Variants in ADAMTS14 observed in about 807,000 individuals in gnomAD.
ADAMTS14 encodes the protein ADAM metallopeptidase with thrombospondin type 1 motif 14.
In ADAMTS14, 100 loss-of-function variants were observed where a neutral mutation model predicts 128.6. That is an observed-to-expected ratio of 0.78 (90% CI 0.66 to 0.92). The LOEUF is 0.92. Ranked by LOEUF, ADAMTS14 falls within the 40% of genes least tolerant of loss-of-function variation. ADAMTS14 has a pLI of 0.00. For synonymous variants in ADAMTS14, 665 were observed against 653.8 expected, an observed-to-expected ratio of 1.02 and a Z score of -0.26; for missense variants, 1,562 against 1,658.6, an observed-to-expected ratio of 0.94 and a Z score of 1.01.
intron 21 of ADAMTS14, among the ~76,000 whole-genome samples, chr10:70,760,004 G>A (rs901805236): frequency 3.3e-5 from 5 of 152,220 alleles, no homozygotes; most frequent in African/African-American, 1.2e-4. Context: ...TCCCCTGGAG[G>A]GCTTGTGAAA....
At position 70,760,671 on chromosome 10, in the gene ADAMTS14, C is replaced by G. The variant is rs200926202; in HGVS notation, c.3490C>G (p.His1164Asp). 27 of 1,614,182 alleles carry G rather than the reference C, an allele frequency of 1.7e-5. No homozygotes were observed. Among genetic ancestry groups the G allele is most frequent in the Admixed American group, 3.3e-5 (2 of 60,026 alleles). ...GGATACAAGCTCCCCAGGGACCCAGCATCCCTTTGCCCCTGAGACACCAAT... is the reference window on the plus strand; with the variant it reads ...GGATACAAGCTCCCCAGGGACCCAGGATCCCTTTGCCCCTGAGACACCAAT... ...ALDTSSPGTQ[H>D]PFAPETPIPG... The change falls in exon 22 of 22, where the codon CAT becomes GAT. Residue 1164 changes from histidine to aspartate, a missense_variant. Physicochemically the swap from His to Asp is moderately conservative, Grantham distance 81. Coordinates refer to ENST00000373207, the MANE Select transcript of ADAMTS14 (RefSeq NM_080722.4).
rs1198800183 is a variant in ADAMTS14, at chr10:70,674,795, T to G, written c.322T>G (p.Phe108Val). The change falls in exon 2 of 22, where the codon TTC (phenylalanine) becomes GTC (valine). Residue 108 changes from phenylalanine (F) to valine (V), a missense_variant. Coordinates refer to ENST00000373207, the MANE Select transcript of ADAMTS14 (RefSeq NM_080722.4). The stretch of plus-strand genomic sequence containing the variant: ...CAGGGTGGGGCGCCACTCCCTCTAC[T>G]TCAATGTCACTGTTTTCGGGAAGGA... ...PGRVGRHSLYFNVTVFGKELH... is the reference protein window; with the variant it reads ...PGRVGRHSLYVNVTVFGKELH... 2 of 1,613,720 alleles carry G rather than the reference T, an allele frequency of 1.2e-6. No homozygotes were observed.
At chr10:70,680,223 G>A (rs1839762229) in intron 2 of ADAMTS14, among the ~76,000 whole-genome samples, 1 of 152,056 alleles carries the variant, frequency 6.6e-6, no homozygotes. Flanking sequence ...CCAACATGGA[G>A]AAACCCCGCC....
chr10:70,703,319 G>A lies in ADAMTS14; in HGVS notation c.679+851G>A, dbSNP rs112026220. Among the ~76,000 whole-genome samples the A allele has an allele frequency of 2.7e-3, 414 of 152,356 alleles. 3 individuals carry two copies. Among genetic ancestry groups the A allele is most frequent in the African/African-American group, 9.4e-3 (392 of 41,580 alleles). On this transcript the variant is annotated intron_variant, in intron 3 of 21. Transcript: ENST00000373207. ...TGTCACAAAGCTCCTTTGGCCAAGA[G>A]GAGATGAGGAGGCCATGGGTGAAAT...
chr10:70,677,469 C>T (rs560035328), intron 2 of ADAMTS14, among the ~76,000 whole-genome samples: 3 of 152,296 alleles, frequency 2.0e-5, no homozygotes, highest in African/African-American at 7.2e-5. Context: ...GTGGCATTTG[C>T]TGAAGCCGGA....
intron 9 of ADAMTS14, 36 bp downstream of exon 9, chr10:70,735,337 G>A (rs1444416929): frequency 1.2e-6 from 2 of 1,608,610 alleles, no homozygotes; most frequent in Non-Finnish European, 1.7e-6. Flanking sequence ...GGTGGTTGGG[G>A]GCCAGGGCAG....
At chr10:70,739,038 G>A in intron 11 of ADAMTS14, 48 bp downstream of exon 11, 2 of 1,558,998 alleles carry the variant, frequency 1.3e-6, no homozygotes, top group Non-Finnish European at 1.7e-6. Context: ...CCCTCCCCAG[G>A]GCGGAGGGGC....
chr10:70,680,988 C>A (rs1839783890), intron 2 of ADAMTS14, among the ~76,000 whole-genome samples: 2 of 152,200 alleles, frequency 1.3e-5, no homozygotes, highest in South Asian at 4.1e-4. Context: ...ATAAATATTA[C>A]AAATATCATC....
At chr10:70,684,834 CCCCGGG>C (rs1332599314) in intron 2 of ADAMTS14, among the ~76,000 whole-genome samples, 1 of 149,528 alleles carries the variant, frequency 6.7e-6, no homozygotes, top group Non-Finnish European at 1.5e-5. Context: ...TGAGCAGAGG[CCCCGGG>C]CCTGGGTCCT....
chr10:70,733,429 G>C (rs1376295552), intron 7 of ADAMTS14, among the ~76,000 whole-genome samples: 1 of 152,232 alleles, frequency 6.6e-6, no homozygotes, highest in East Asian at 1.9e-4. Flanking sequence ...CTCAAGAAAT[G>C]AGGTTGAGTT....
At position 70,727,458 on chromosome 10, in the gene ADAMTS14, G is replaced by A. The variant is rs184173058; in HGVS notation, c.871-1836G>A. ...AGAGCAAGACTATGCATGGAGCTCCGGCCCAGCTCCTAGGAAGCCATGTGG... is the reference window on the plus strand; with the variant it reads ...AGAGCAAGACTATGCATGGAGCTCCAGCCCAGCTCCTAGGAAGCCATGTGG... On this transcript the variant is annotated intron_variant, in intron 4 of 21. Coordinates refer to ENST00000373207, the MANE Select transcript of ADAMTS14 (RefSeq NM_080722.4). Among the ~76,000 whole-genome samples the A allele has an allele frequency of 7.9e-5, 12 of 152,298 alleles. No homozygotes were observed. The East Asian group carries it at 2.3e-3, about 29-fold the overall frequency.
intron 2 of ADAMTS14, among the ~76,000 whole-genome samples, chr10:70,685,103 G>A (rs1268816606): frequency 2.6e-5 from 4 of 152,220 alleles, no homozygotes; most frequent in East Asian, 1.9e-4. Flanking sequence ...GAGGGAGGGC[G>A]GCCTGAGGGC....
intron 2 of ADAMTS14, among the ~76,000 whole-genome samples, chr10:70,699,033 A>T (rs1304863856): frequency 5.3e-5 from 8 of 152,112 alleles, no homozygotes; most frequent in African/African-American, 1.9e-4. Flanking sequence ...TTTTGCCCAG[A>T]GGTGGAGAGT....
rs1037493501 is a variant in ADAMTS14 at position 70,752,107 on chromosome 10, C to T, written c.2609C>T (p.Thr870Ile). The T allele has an allele frequency of 6.2e-7, 1 of 1,613,176 alleles. No individual in the cohort carries two copies. Among genetic ancestry groups the T allele is most frequent in the East Asian group, 2.2e-5 (1 of 44,882 alleles). Reference protein sequence around the residue: ...SKACGGGIQFTKYGCRRRRDH... With the variant: ...SKACGGGIQFIKYGCRRRRDH... ...GCCCACCCCATAGGGATCCAGTTCA[C>T]CAAATACGGCTGCCGGCGCAGACGA... is the stretch of plus-strand genomic sequence containing the variant. Residue 870 changes from threonine (T) to isoleucine (I), a missense_variant, in exon 18 of 22, where the codon ACC (threonine) becomes ATC (isoleucine). Transcript: ENST00000373207.
chr10:70,694,174 G>A (rs1340370001), intron 2 of ADAMTS14, among the ~76,000 whole-genome samples: 3 of 152,192 alleles, frequency 2.0e-5, no homozygotes, highest in Non-Finnish European at 4.4e-5. Context: ...TCCCAGCCTC[G>A]CTGACTCCCG....
At chr10:70,744,009 C>A (rs990989626) in intron 13 of ADAMTS14, 57 bp from the exon 14 acceptor site, 17 of 1,535,530 alleles carry the variant, frequency 1.1e-5, no homozygotes, top group Non-Finnish European at 1.5e-5. Flanking sequence ...ATGGGAGCCC[C>A]GGGGTGGCGG....
intron 2 of ADAMTS14, among the ~76,000 whole-genome samples, chr10:70,690,322 G>A (rs1840148549): frequency 6.9e-6 from 1 of 144,500 alleles, no homozygotes; most frequent in Non-Finnish European, 1.6e-5. Flanking sequence ...GTTAAGGACA[G>A]GACCATGCCA....
chr10:70,719,188 C>T (rs1158603022), intron 4 of ADAMTS14, among the ~76,000 whole-genome samples: 1 of 152,040 alleles, frequency 6.6e-6, no homozygotes, highest in Non-Finnish European at 1.5e-5. Context: ...ACCCCCTGAC[C>T]TATGGTATTA....
At chr10:70,725,673 C>T (rs2132657858) in intron 4 of ADAMTS14, among the ~76,000 whole-genome samples, 1 of 152,274 alleles carries the variant, frequency 6.6e-6, no homozygotes, top group Admixed American at 6.5e-5. Flanking sequence ...CCCTAATGCC[C>T]TATCTCCTAA....
Sources: allele counts gnomAD v4.1 joint callset (sites outside exome capture counted in the v4.1 genomes callset), GRCh38; gene constraint gnomAD v4.1.1; transcripts MANE v1.5; gene names NCBI Gene and HGNC (gene_info 2026-07-23, HGNC 2026-07-21).